Variants in SIPA1L2 observed in about 807,000 individuals in gnomAD.
SIPA1L2 encodes the protein signal induced proliferation associated 1 like 2.
SIPA1L2 carries 56 observed loss-of-function variants against 163.9 expected under a neutral mutation model. That is an observed-to-expected ratio of 0.34 (90% confidence interval 0.28 to 0.43). The LOEUF (loss-of-function observed/expected upper bound fraction) is 0.43, where lower values mean the gene tolerates loss of function less well. Among genes scored for constraint, SIPA1L2 ranks in the 20% least tolerant of loss-of-function variants. The probability of loss-of-function intolerance (pLI) is 1.00; values close to 1 mark genes in which losing one functional copy is unlikely to be tolerated. For missense variants in SIPA1L2, 1,974 were observed against 2,193.5 expected (o/e 0.90, Z 2.00); for synonymous variants, 877 against 865.7 (o/e 1.01, Z -0.23).
Position 232,620,531 on chromosome 1 carries a change from C to T in SIPA1L2, c.-319+9338G>A, listed in dbSNP as rs149342729. Among the ~76,000 whole-genome samples, 66 of 152,328 alleles carry T rather than the reference C, an allele frequency of 4.3e-4. No homozygotes were observed. The East Asian group carries it at 0.012, about 28-fold the overall frequency. ...TGCCGACTCAACATCCCCTCTGCTCCACAGCTTATCTCAGAAAGAACTAAG... is the reference window on the plus strand; with the variant it reads ...TGCCGACTCAACATCCCCTCTGCTCTACAGCTTATCTCAGAAAGAACTAAG... On this transcript the variant is annotated intron_variant, in intron 1 of 22. Transcript: ENST00000674635.
At chr1:232,615,151 A>G (rs1662435187) in intron 1 of SIPA1L2, among the ~76,000 whole-genome samples, 1 of 152,252 alleles carries the variant, frequency 6.6e-6, no homozygotes, top group Admixed American at 6.5e-5. Flanking sequence ...ACAAAACTCA[A>G]GAGCCCAAGA....
At chr1:232,486,987 C>T (rs922739765) in intron 5 of SIPA1L2, among the ~76,000 whole-genome samples, 2 of 152,218 alleles carry the variant, frequency 1.3e-5, no homozygotes, top group African/African-American at 4.8e-5. Context: ...ATTGCAGCAA[C>T]CTTTATTTAA....
Position 232,514,693 on chromosome 1 carries a change from C to A in SIPA1L2, c.647G>T (p.Arg216Leu), listed in dbSNP as rs780265795. The change falls in exon 3 of 23, where the codon CGA (arginine) becomes CTA (leucine). Residue 216 changes from arginine (R) to leucine (L), a missense_variant. By Grantham distance (102) the Arg-to-Leu change is moderately radical. This residue lies in a region of SIPA1L2 where 607 missense variants were observed against 624.0 expected (regional missense o/e 0.97). Transcript: ENST00000674635. The part of the protein sequence containing the change: ...ENFFAMLRGY[R>L]VENYDHKAMV... ...TGCTTTGTGGTCATAATTTTCTACTCGGTACCCTCTGAGCATAGCAAAAAA... is the reference window on the plus strand; with the variant it reads ...TGCTTTGTGGTCATAATTTTCTACTAGGTACCCTCTGAGCATAGCAAAAAA... 6 of 1,614,208 alleles carry A rather than the reference C, an allele frequency of 3.7e-6. No individual in the cohort carries two copies. The highest frequency in any genetic ancestry group is 3.3e-4 in the Middle Eastern group (2 of 6,062).
chr1:232,572,680 C>T (rs1171879816), intron 2 of SIPA1L2, among the ~76,000 whole-genome samples: 1 of 67,100 alleles, frequency 1.5e-5, no homozygotes, highest in African/African-American at 8.7e-5. Flanking sequence ...TATATATACA[C>T]ACACATATAC....
chr1:232,610,626 T>C (rs1422396781), intron 1 of SIPA1L2, among the ~76,000 whole-genome samples: 1 of 152,238 alleles, frequency 6.6e-6, no homozygotes, highest in East Asian at 1.9e-4. Flanking sequence ...AGCAACCCCC[T>C]CCACATACAC....
chr1:232,525,603 G>A (rs748347292), intron 2 of SIPA1L2, among the ~76,000 whole-genome samples: 3 of 151,932 alleles, frequency 2.0e-5, no homozygotes, highest in Non-Finnish European at 4.4e-5. Flanking sequence ...TACACCCCAC[G>A]AGACGCTTGG....
At chr1:232,449,208 G>A (rs1246670629) in intron 10 of SIPA1L2, among the ~76,000 whole-genome samples, 2 of 152,170 alleles carry the variant, frequency 1.3e-5, no homozygotes. Flanking sequence ...AATTCTCTCA[G>A]TTATGAGAGA....
At chr1:232,559,098 C>G (rs1658890982) in intron 2 of SIPA1L2, among the ~76,000 whole-genome samples, 1 of 152,154 alleles carries the variant, frequency 6.6e-6, no homozygotes, top group South Asian at 2.1e-4. Flanking sequence ...AGAAGAATGT[C>G]TGAATTTACC....
At chr1:232,533,217 T>C (rs1657089775) in intron 2 of SIPA1L2, among the ~76,000 whole-genome samples, 1 of 152,190 alleles carries the variant, frequency 6.6e-6, no homozygotes, top group African/African-American at 2.4e-5. Context: ...TCCTCAGGTG[T>C]TTCTAGTGTT....
intron 9 of SIPA1L2, among the ~76,000 whole-genome samples, chr1:232,461,426 A>G (rs944233433): frequency 6.6e-6 from 1 of 152,256 alleles, no homozygotes; most frequent in African/African-American, 2.4e-5. Context: ...ATTCTAAGTC[A>G]TATCTGTTCT....
intron 2 of SIPA1L2, among the ~76,000 whole-genome samples, chr1:232,536,093 G>A (rs897160905): frequency 1.3e-5 from 2 of 152,214 alleles, no homozygotes; most frequent in Admixed American, 6.5e-5. Context: ...AAGAGATTTG[G>A]CTGCTAGGTC....
At chr1:232,489,551 AT>A (rs1665823894) in intron 5 of SIPA1L2, among the ~76,000 whole-genome samples, 1 of 151,532 alleles carries the variant, frequency 6.6e-6, no homozygotes, top group African/African-American at 2.4e-5. Context: ...AAGATTATTC[AT>A]TCTGAGTGTT....
intron 1 of SIPA1L2, among the ~76,000 whole-genome samples, chr1:232,583,144 G>A (rs546117169): frequency 6.6e-6 from 1 of 152,266 alleles, no homozygotes; most frequent in Admixed American, 6.5e-5. Context: ...GAAAAGTCAT[G>A]ATGCTGCTTG....
chr1:232,614,410 T>C (rs982311268), intron 1 of SIPA1L2, among the ~76,000 whole-genome samples: 4 of 152,198 alleles, frequency 2.6e-5, no homozygotes, highest in African/African-American at 9.7e-5. Context: ...ATCCTCAGAA[T>C]TTATATACAT....
intron 3 of SIPA1L2, among the ~76,000 whole-genome samples, chr1:232,501,420 T>C (rs1666476332): frequency 6.6e-6 from 1 of 152,166 alleles, no homozygotes; most frequent in South Asian, 2.1e-4. Flanking sequence ...TGTGCCTTGT[T>C]AGGCTGGTCA....
In SIPA1L2 at chr1:232,465,263, T is replaced by C; in HGVS notation, c.2397A>G (p.Ala799=). 4 of 1,614,214 alleles carry C rather than the reference T, an allele frequency of 2.5e-6. No homozygotes were observed. Among genetic ancestry groups the C allele is most frequent in the South Asian group, 1.1e-5 (1 of 91,086 alleles). Residue 799 remains alanine (A), a synonymous_variant, in exon 9 of 23, where the codon GCA becomes GCG. Transcript: ENST00000674635. The surrounding 1 kb of genome is among the most constrained non-coding windows in gnomAD (Gnocchi z 4.1). The part of the protein sequence containing the change: ...NAAHKSEKFR[A]MATRTRQEYL... ...ACTCCTGCCTCGTTCGAGTGGCCAT[T>C]GCTCGAAACTTTTCTGATTTATGGG...
At chr1:232,455,840 A>G (rs1171766826) in intron 10 of SIPA1L2, among the ~76,000 whole-genome samples, 1 of 152,180 alleles carries the variant, frequency 6.6e-6, no homozygotes, top group Non-Finnish European at 1.5e-5. Context: ...TAAGCAAATT[A>G]ACACGGCAAC....
chr1:232,462,865 C>T (rs1572936080), intron 9 of SIPA1L2, among the ~76,000 whole-genome samples: 2 of 152,294 alleles, frequency 1.3e-5, no homozygotes, highest in East Asian at 1.9e-4. Flanking sequence ...CCTCCAATCA[C>T]CTGCCACCTC....
intron 1 of SIPA1L2, among the ~76,000 whole-genome samples, chr1:232,603,217 G>A (rs369212436): frequency 3.3e-5 from 5 of 152,254 alleles, no homozygotes; most frequent in South Asian, 4.1e-4. Context: ...CAACAGATCC[G>A]GAAAGGATTT....
Sources: gnomAD v4.1 joint callset for allele counts (sites outside exome capture counted in the v4.1 genomes callset) on GRCh38, gnomAD v4.1.1 for gene constraint, gnomAD v4.1.1 regional missense constraint, Gnocchi (gnomAD v3.1) non-coding constraint, MANE v1.5 for transcripts, NCBI Gene and HGNC (gene_info 2026-07-23, HGNC 2026-07-21) for gene names.